VDR: variants seen among roughly 807,000 people sequenced by gnomAD.
VDR encodes the protein vitamin D receptor.
VDR carries 19 observed loss-of-function variants against 39.7 expected under a neutral mutation model. That is an observed-to-expected ratio of 0.48 (90% confidence interval 0.33 to 0.70). The LOEUF (loss-of-function observed/expected upper bound fraction) is 0.70, where lower values mean the gene tolerates loss of function less well. Among genes scored for constraint, VDR ranks in the 30% least tolerant of loss-of-function variants. The pLI, the probability that VDR is intolerant of heterozygous loss-of-function variation, is 0.02. For synonymous variants in VDR, 242 were observed against 215.8 expected, an observed-to-expected ratio of 1.12 and a Z score of -1.07; for missense variants, 442 against 570.5, an observed-to-expected ratio of 0.77 and a Z score of 2.29.
intron 1 of VDR, among the ~76,000 whole-genome samples, chr12:47,889,452 G>C (rs566724934): frequency 6.6e-6 from 1 of 152,132 alleles, no homozygotes; most frequent in Non-Finnish European, 1.5e-5. Flanking sequence ...ATGTTGCTAG[G>C]ATCACCCACA....
intron 4 of VDR, among the ~76,000 whole-genome samples, chr12:47,862,297 C>A (rs1268173225): frequency 1.3e-5 from 2 of 152,176 alleles, no homozygotes; most frequent in African/African-American, 2.4e-5. Flanking sequence ...TGTGAAAGTG[C>A]CTGGAAATGC....
chr12:47,870,748 C>A (rs1945835894), intron 3 of VDR, among the ~76,000 whole-genome samples: 1 of 152,184 alleles, frequency 6.6e-6, no homozygotes, highest in African/African-American at 2.4e-5. Flanking sequence ...ATCTCCACTG[C>A]ACTGTCACAG....
intron 1 of VDR, among the ~76,000 whole-genome samples, chr12:47,888,583 T>C (rs1236263350): frequency 6.6e-6 from 1 of 152,246 alleles, no homozygotes; most frequent in Non-Finnish European, 1.5e-5. Flanking sequence ...ATTTCTGGGC[T>C]GATTACTGCT....
chr12:47,900,192 G>A (rs969019148), intron 1 of VDR, among the ~76,000 whole-genome samples: 47 of 152,216 alleles, frequency 3.1e-4, no homozygotes, highest in African/African-American at 1.1e-3. Flanking sequence ...AAGACTGCCA[G>A]AGAGGCATGA....
At chr12:47,894,428 C>T (rs975342960) in intron 1 of VDR, among the ~76,000 whole-genome samples, 3 of 152,246 alleles carry the variant, frequency 2.0e-5, no homozygotes, top group African/African-American at 7.2e-5. Context: ...ACCCCATTTC[C>T]TCTGACTGGG....
At chr12:47,853,168 G>A (rs79866000) in intron 7 of VDR, among the ~76,000 whole-genome samples, 12 of 152,088 alleles carry the variant, frequency 7.9e-5, no homozygotes, top group African/African-American at 2.4e-4. Flanking sequence ...AATATTGGCC[G>A]GCAGTGGCTC....
chr12:47,866,317 G>A (rs1472014988), intron 3 of VDR, among the ~76,000 whole-genome samples: 2 of 151,338 alleles, frequency 1.3e-5, no homozygotes, highest in Non-Finnish European at 2.9e-5. Flanking sequence ...CTGTGGTCTC[G>A]ATCTCCTGAC....
chr12:47,893,168 A>C (rs560069604), intron 1 of VDR, among the ~76,000 whole-genome samples: 1 of 152,330 alleles, frequency 6.6e-6, no homozygotes, highest in East Asian at 1.9e-4. Context: ...ATTTTTAATT[A>C]TTGCCACGAT....
chr12:47,903,841 C>T lies in VDR; in HGVS notation c.-84+1114G>A, dbSNP rs545040755. 7.9e-5 allele frequency among the ~76,000 whole-genome samples: 12 copies of T among 152,314 alleles called. No homozygotes were observed. In the East Asian group the frequency reaches 2.3e-3, roughly 29 times the overall value. On this transcript the variant is annotated intron_variant, in intron 1 of 9. Coordinates refer to ENST00000549336, the MANE Select transcript of VDR (RefSeq NM_000376.3). ...TAGATTTATCATAAAGCCACTATCC[C>T]TTCACGGTCACCTCCTGCTAGAATC... is the stretch of plus-strand genomic sequence containing the variant.
intron 2 of VDR, among the ~76,000 whole-genome samples, chr12:47,882,066 T>C (rs1322321855): frequency 6.6e-6 from 1 of 152,136 alleles, no homozygotes; most frequent in Non-Finnish European, 1.5e-5. Flanking sequence ...ATGGACTCAT[T>C]TGGAGATGCT....
intron 7 of VDR, among the ~76,000 whole-genome samples, chr12:47,855,126 G>A (rs369561937): frequency 5.3e-5 from 8 of 152,250 alleles, no homozygotes; most frequent in East Asian, 1.9e-4. Flanking sequence ...TCAGGTGATC[G>A]AGAGCAGCCT....
At chr12:47,846,262 C>A in intron 9 of VDR, 73 bp downstream of exon 9, 1 of 1,370,254 alleles carries the variant, frequency 7.3e-7, no homozygotes, top group Admixed American at 1.7e-5. Flanking sequence ...GCCCAGCTGG[C>A]CCTCAGCAGG....
intron 7 of VDR, among the ~76,000 whole-genome samples, chr12:47,850,601 A>G (rs938604145): frequency 6.6e-6 from 1 of 152,144 alleles, no homozygotes; most frequent in African/African-American, 2.4e-5. Flanking sequence ...GCCTGGAAAT[A>G]CAGGGCCTTT....
intron 7 of VDR, among the ~76,000 whole-genome samples, chr12:47,850,167 T>TC (rs1190138025): frequency 6.6e-6 from 1 of 152,196 alleles, no homozygotes; most frequent in Non-Finnish European, 1.5e-5. Flanking sequence ...CTGTCTTTTT[T>TC]CTATGCAAAT....
intron 3 of VDR, among the ~76,000 whole-genome samples, chr12:47,870,395 G>A (rs552147061): frequency 1.3e-5 from 2 of 152,280 alleles, no homozygotes; most frequent in African/African-American, 4.8e-5. Context: ...GTTTCCATGA[G>A]AGCCCATTGC....
At chr12:47,848,106 G>A (rs141021623) in intron 7 of VDR, among the ~76,000 whole-genome samples, 1 of 152,268 alleles carries the variant, frequency 6.6e-6, no homozygotes, top group East Asian at 1.9e-4. Context: ...GTTTCACAGT[G>A]TTAGCCAGGA....
intron 3 of VDR, among the ~76,000 whole-genome samples, chr12:47,875,982 C>A (rs530649546): frequency 3.3e-5 from 5 of 152,250 alleles, no homozygotes; most frequent in African/African-American, 4.8e-5. Context: ...CAGCACTACG[C>A]TTGGGAACTG....
At chr12:47,903,462 A>C (rs922611795) in intron 1 of VDR, among the ~76,000 whole-genome samples, 5 of 152,230 alleles carry the variant, frequency 3.3e-5, no homozygotes, top group Non-Finnish European at 7.3e-5. Flanking sequence ...GTCTGGCTGC[A>C]TGCCAGCCCT....
At chr12:47,882,868 G>GACTT in intron 1 of VDR, 94 bp from the exon 2 acceptor site, 2 of 979,180 alleles carry the variant, frequency 2.0e-6, no homozygotes, top group Non-Finnish European at 3.0e-6. Context: ...TCTTTCCAGG[G>GACTT]ACTTTAGTCC....
Sources: allele counts gnomAD v4.1 joint callset (sites outside exome capture counted in the v4.1 genomes callset), GRCh38; gene constraint gnomAD v4.1.1; transcripts MANE v1.5; gene names NCBI Gene and HGNC (gene_info 2026-07-23, HGNC 2026-07-21).